PTCH1: variants seen among roughly 807,000 people sequenced by gnomAD.
The protein encoded by PTCH1 is protein patched homolog 1.
A neutral mutation model predicts 144.6 loss-of-function variants in PTCH1; 14 were observed. The observed-to-expected ratio is 0.10, with a 90% CI of 0.06 to 0.15. The LOEUF (loss-of-function observed/expected upper bound fraction) is 0.15. Ranked by LOEUF, PTCH1 falls within the 10% of genes least tolerant of loss-of-function variation. PTCH1 has a pLI of 1.00. For synonymous variants in PTCH1, 833 were observed against 793.6 expected, an observed-to-expected ratio of 1.05 and a Z score of -0.83; for missense variants, 1,623 against 1,948.3, an observed-to-expected ratio of 0.83 and a Z score of 3.14.
At position 95,478,080 on chromosome 9, in the gene PTCH1, C is replaced by T. The variant is rs767273237; in HGVS notation, c.1322G>A (p.Arg441His). 1.3e-5 allele frequency: 21 copies of T among 1,614,048 alleles called. No homozygotes were observed. The highest frequency in any genetic ancestry group is 5.0e-5 in the Admixed American group (3 of 60,010). The change falls in exon 9 of 24, where the codon CGC becomes CAC. Residue 441 changes from arginine (R) to histidine (H), a missense_variant. Physicochemically the swap from Arg to His is conservative, Grantham distance 29. Transcript: ENST00000331920. Reference protein sequence around the residue: ...LKSFSDVSVIRVASGYLLMLA... With the variant: ...LKSFSDVSVIHVASGYLLMLA... ...CATGAGTAAGTAGCCGCTGGCCACGCGGATGACACTGACGTCAGAGAAGGA... is the reference window on the plus strand; with the variant it reads ...CATGAGTAAGTAGCCGCTGGCCACGTGGATGACACTGACGTCAGAGAAGGA...
rs1431171944 is a variant in PTCH1, at chr9:95,461,843, G to A, written c.2703+13C>T. ...GCCCTGGAAGCGCCCTCAGTGCCCA[G>A]CAGCTGGAGTACCTGGCTGATGTCG... is the stretch of plus-strand genomic sequence containing the variant. On this transcript the variant is annotated intron_variant, in intron 16 of 23. Transcript: ENST00000331920. 5 of 1,613,960 alleles carry A rather than the reference G, an allele frequency of 3.1e-6. No individual in the cohort carries two copies. The highest frequency in any genetic ancestry group is 4.2e-6 in the Non-Finnish European group (5 of 1,180,020).
rs71366293 is a variant in PTCH1, at chr9:95,508,364, TGCC to T, written c.-6_-4del. The T allele has an allele frequency of 8.3e-4, 962 of 1,154,618 alleles. 2 individuals are homozygous for T. The highest frequency in any genetic ancestry group is 4.3e-3 in the East Asian group (110 of 25,602). 71.5% of individuals were successfully genotyped at this position (1,154,618 alleles called of 1,614,324 possible). Reference sequence around the variant, plus strand: ...GCGGCGTTACCAGCCGAGGCCATGTTGCCGCCGCCGCCGCCGCCGCCGCGGGGA... The same window carrying T: ...GCGGCGTTACCAGCCGAGGCCATGTTGCCGCCGCCGCCGCCGCCGCGGGGA... On this transcript the variant is annotated 5_prime_UTR_variant, in exon 1 of 24. Transcript: ENST00000331920.
chr9:95,454,971 A>G (rs1207054285), intron 19 of PTCH1, among the ~76,000 whole-genome samples: 1 of 152,230 alleles, frequency 6.6e-6, no homozygotes, highest in East Asian at 1.9e-4. Context: ...TTGCATCAGA[A>G]TAAAATAACT....
intron 12 of PTCH1, among the ~76,000 whole-genome samples, chr9:95,475,664 A>G (rs563077268): frequency 6.6e-6 from 1 of 152,226 alleles, no homozygotes; most frequent in East Asian, 1.9e-4. Context: ...AAGTGCAGGT[A>G]CTGGGAGTGG....
chr9:95,508,094 T>C lies in PTCH1; in HGVS notation c.201+67A>G. The C allele has an allele frequency of 3.1e-6, 5 of 1,595,674 alleles. No homozygotes were observed. The Admixed American group carries it at 6.8e-5, about 22-fold the overall frequency. ...GGAAGAGAGTGTGTGTGTTTGTGTG[T>C]GGCGGGGGCGATCCCAAAGAGTTAG... On this transcript the variant is annotated intron_variant, in intron 1 of 23. Transcript: ENST00000331920.
At chr9:95,456,579 C>G (rs56101619) in intron 18 of PTCH1, among the ~76,000 whole-genome samples, 166 bp from the exon 19 acceptor site, 28 of 152,184 alleles carry the variant, frequency 1.8e-4, no homozygotes, top group African/African-American at 6.8e-4. Flanking sequence ...TTCATCTTCC[C>G]GCTGGGAAGG....
intron 3 of PTCH1, chr9:95,482,561 C>T (rs899799444): frequency 3.5e-5 from 12 of 338,450 alleles, no homozygotes; most frequent in African/African-American, 6.4e-5. Context: ...TCAAAATAGG[C>T]GGGGATTAAA....
At position 95,456,984 on chromosome 9, in the gene PTCH1, G is replaced by A. The variant is rs3780572; in HGVS notation, c.3169-571C>T. 1.6e-4 allele frequency among the ~76,000 whole-genome samples: 24 copies of A among 152,286 alleles called. No homozygotes were observed. In the East Asian group the frequency reaches 3.7e-3, roughly 23 times the overall value. ...TGGGGGCCAGGTAAGCGGGGAGGTC[G>A]TCATCAGCTGACGCTGTCAGGTTAC... On this transcript the variant is annotated intron_variant, in intron 18 of 23. Transcript: ENST00000331920.
chr9:95,507,637 C>T (rs1843797585), intron 1 of PTCH1: 1 of 238,398 alleles, frequency 4.2e-6, no homozygotes, highest in African/African-American at 2.3e-5. Flanking sequence ...AAAACCAAAA[C>T]TGGCTGCCAA....
At position 95,456,205 on chromosome 9, in the gene PTCH1, T is replaced by C. The variant is rs1185408451; in HGVS notation, c.3306+71A>G. On this transcript the variant is annotated intron_variant, in intron 19 of 23. Coordinates refer to ENST00000331920, the MANE Select transcript of PTCH1 (RefSeq NM_000264.5). ...CACAGGGAGAATGCAAGGTTCCCAC[T>C]TGGAGACAAACAGAGCCAGAGGAAA... is the stretch of plus-strand genomic sequence containing the variant. The C allele has an allele frequency of 7.5e-6, 12 of 1,600,378 alleles. No individual in the cohort carries two copies. The Admixed American group carries it at 1.7e-4, about 22-fold the overall frequency.
chr9:95,486,326 G>C (rs1333493325), intron 2 of PTCH1, among the ~76,000 whole-genome samples: 1 of 152,248 alleles, frequency 6.6e-6, no homozygotes, highest in Admixed American at 6.5e-5. Context: ...TTTCTCCTCT[G>C]TGGAAAAAGA....
chr9:95,503,038 C>T (rs1323736439), intron 2 of PTCH1, among the ~76,000 whole-genome samples: 1 of 152,184 alleles, frequency 6.6e-6, no homozygotes, highest in Non-Finnish European at 1.5e-5. Context: ...CAAACTATCC[C>T]TCAGCATCCC....
At chr9:95,504,022 C>A (rs1587685232) in intron 2 of PTCH1, among the ~76,000 whole-genome samples, 1 of 6,712 alleles carries the variant, frequency 1.5e-4, no homozygotes, top group African/African-American at 9.5e-4. Flanking sequence ...GACTCCGTCT[C>A]AAAAAAAAAA....
At chr9:95,454,858 T>C (rs1838778724) in intron 19 of PTCH1, among the ~76,000 whole-genome samples, 1 of 152,264 alleles carries the variant, frequency 6.6e-6, no homozygotes, top group Non-Finnish European at 1.5e-5. Flanking sequence ...TGACTTGGAC[T>C]AGAAGTCCTA....
At chr9:95,505,871 C>T (rs1451648136) in intron 2 of PTCH1, among the ~76,000 whole-genome samples, 1 of 149,066 alleles carries the variant, frequency 6.7e-6, no homozygotes, top group Non-Finnish European at 1.5e-5. Context: ...CCTCCGCAGC[C>T]CCGCGCTGCG....
intron 18 of PTCH1, among the ~76,000 whole-genome samples, 167 bp from the exon 19 acceptor site, chr9:95,456,580 G>A (rs969522081): frequency 6.6e-6 from 1 of 152,146 alleles, no homozygotes; most frequent in Non-Finnish European, 1.5e-5. Flanking sequence ...TCATCTTCCC[G>A]CTGGGAAGGG....
chr9:95,467,341 C>T lies in PTCH1; in HGVS notation c.2335G>A (p.Asp779Asn), dbSNP rs1323606391. The change falls in exon 15 of 24, where the codon GAC (aspartate) becomes AAC (asparagine). Residue 779 changes from aspartate (D) to asparagine (N), a missense_variant. By Grantham distance (23) the Asp-to-Asn change is conservative. This residue lies in a region of PTCH1 where 504 missense variants were observed against 679.3 expected (regional missense o/e 0.74). Transcript: ENST00000331920. Reference sequence around the variant, plus strand: ...TCTCTGGTTTCCCGAGGTACAATGTCCGTAAGGTCCAGCCCGTCTCTCACT... The same window carrying T: ...TCTCTGGTTTCCCGAGGTACAATGTTCGTAAGGTCCAGCCCGTCTCTCACT... The part of the protein sequence containing the change: ...TRVRDGLDLT[D>N]IVPRETREYD... The T allele has an allele frequency of 6.2e-7, 1 of 1,614,208 alleles. No homozygotes were observed. Among genetic ancestry groups the T allele is most frequent in the Non-Finnish European group, 8.5e-7 (1 of 1,180,028 alleles).
At chr9:95,455,742 T>C (rs1416241830) in intron 19 of PTCH1, among the ~76,000 whole-genome samples, 2 of 152,128 alleles carry the variant, frequency 1.3e-5, no homozygotes, top group Non-Finnish European at 2.9e-5. Flanking sequence ...TGGGCTTAGG[T>C]AGAAGAGCCA....
chr9:95,491,395 C>G (rs1392433418), intron 2 of PTCH1, among the ~76,000 whole-genome samples: 1 of 152,138 alleles, frequency 6.6e-6, no homozygotes, highest in Non-Finnish European at 1.5e-5. Context: ...ACAGGGATAA[C>G]AAATGCTGTG....
Sources: gnomAD v4.1 joint callset for allele counts (sites outside exome capture counted in the v4.1 genomes callset) on GRCh38, gnomAD v4.1.1 for gene constraint, gnomAD v4.1.1 regional missense constraint, MANE v1.5 for transcripts, NCBI Gene and HGNC (gene_info 2026-07-23, HGNC 2026-07-21) for gene names.